Variants in FOXN2 observed in about 807,000 individuals in gnomAD.
The protein encoded by FOXN2 is forkhead box protein N2.
FOXN2 carries 19 observed loss-of-function variants against 41.2 expected under a neutral mutation model. The ratio of observed to expected loss-of-function variants is 0.46; its 90% CI spans 0.32 to 0.68. FOXN2 has a LOEUF of 0.68. FOXN2 is among the 30% of genes least tolerant of loss of function. The probability of loss-of-function intolerance (pLI) is 0.03; values close to 1 mark genes in which losing one functional copy is unlikely to be tolerated. For synonymous variants in FOXN2, 195 were observed against 176.8 expected (o/e 1.10, Z -0.82); for missense variants, 587 against 509.4 (o/e 1.15, Z -1.47).
chr2:48,319,920 C>T (rs1481528876), intron 1 of FOXN2, among the ~76,000 whole-genome samples: 1 of 151,096 alleles, frequency 6.6e-6, no homozygotes, highest in Non-Finnish European at 1.5e-5. Context: ...GCATGAGCCA[C>T]CTCACCTGGC....
rs1467318268 is a variant in FOXN2, at chr2:48,328,678, G to A, written c.-39G>A. The A allele has an allele frequency of 6.6e-6, 1 of 152,078 alleles. No homozygotes were observed. Among genetic ancestry groups the A allele is most frequent in the East Asian group, 1.9e-4 (1 of 5,198 alleles). 9.4% of individuals were successfully genotyped at this position (152,078 alleles called of 1,614,324 possible). Reference sequence around the variant, plus strand: ...GGTCACTGTATGACTTATAGTACAGGTGATATTACTTCTGATTCTAGATGG... The same window carrying A: ...GGTCACTGTATGACTTATAGTACAGATGATATTACTTCTGATTCTAGATGG... On this transcript the variant is annotated 5_prime_UTR_variant, in exon 2 of 7. The change creates a new upstream start codon in the 5' untranslated region. Coordinates refer to ENST00000340553, the MANE Select transcript of FOXN2 (RefSeq NM_002158.4).
intron 1 of FOXN2, among the ~76,000 whole-genome samples, chr2:48,327,816 G>C (rs79247094): frequency 1.3e-5 from 2 of 152,070 alleles, no homozygotes; most frequent in African/African-American, 4.8e-5. Flanking sequence ...GTCAGAGTAC[G>C]TATGAGGTTA....
At chr2:48,324,614 A>G (rs187880873) in intron 1 of FOXN2, among the ~76,000 whole-genome samples, 1 of 152,102 alleles carries the variant, frequency 6.6e-6, no homozygotes, top group Non-Finnish European at 1.5e-5. Flanking sequence ...CTTCTATTCA[A>G]ATTGGCAGCA....
chr2:48,352,624 A>C (rs1671519796), intron 3 of FOXN2, among the ~76,000 whole-genome samples: 1 of 152,178 alleles, frequency 6.6e-6, no homozygotes, highest in Admixed American at 6.5e-5. Context: ...GAGGTATCTC[A>C]AATTCAGTGT....
At chr2:48,344,840 A>AACCCC (rs1491540182) in intron 2 of FOXN2, among the ~76,000 whole-genome samples, 2 of 129,118 alleles carry the variant, frequency 1.5e-5, no homozygotes, top group African/African-American at 5.9e-5. Context: ...CTCTGGAGGT[A>AACCCC]CCCCCCCCCC....
At chr2:48,367,015 C>T (rs942396271) in intron 5 of FOXN2, among the ~76,000 whole-genome samples, 6 of 152,072 alleles carry the variant, frequency 3.9e-5, no homozygotes, top group Admixed American at 6.6e-5. Flanking sequence ...CCTTTAGACA[C>T]GGAAAACTAA....
At chr2:48,331,087 T>C (rs1669991460) in intron 2 of FOXN2, among the ~76,000 whole-genome samples, 1 of 152,214 alleles carries the variant, frequency 6.6e-6, no homozygotes, top group Admixed American at 6.5e-5. Flanking sequence ...GCACAATTGA[T>C]GTTCTTCATT....
intron 2 of FOXN2, among the ~76,000 whole-genome samples, chr2:48,339,481 G>T (rs533796679): frequency 6.6e-6 from 1 of 152,268 alleles, no homozygotes; most frequent in African/African-American, 2.4e-5. Flanking sequence ...TGCCATGATT[G>T]TAAGTTTCCT....
chr2:48,363,311 A>G (rs574364113), intron 5 of FOXN2, among the ~76,000 whole-genome samples: 82 of 152,182 alleles, frequency 5.4e-4, no homozygotes, highest in Non-Finnish European at 6.6e-4. Flanking sequence ...GGTTATAAAT[A>G]AAATATTTTT....
chr2:48,337,182 TA>T (rs1171397873), intron 2 of FOXN2, among the ~76,000 whole-genome samples: 1 of 152,206 alleles, frequency 6.6e-6, no homozygotes, highest in African/African-American at 2.4e-5. Context: ...ATTTGATTTT[TA>T]GATTCTATGA....
At chr2:48,339,902 A>G (rs1670627957) in intron 2 of FOXN2, among the ~76,000 whole-genome samples, 1 of 152,234 alleles carries the variant, frequency 6.6e-6, no homozygotes, top group Non-Finnish European at 1.5e-5. Context: ...ATAAGAAATT[A>G]TTGAATATTC....
At chr2:48,328,497 T>C (rs946617211) in intron 1 of FOXN2, 64 bp from the exon 2 acceptor site, 1 of 152,172 alleles carries the variant, frequency 6.6e-6, no homozygotes, top group Admixed American at 6.5e-5. Context: ...AGAAAAAAAG[T>C]CTATATCTGT....
intron 1 of FOXN2, among the ~76,000 whole-genome samples, chr2:48,317,371 C>T (rs915178729): frequency 1.3e-5 from 2 of 151,550 alleles, no homozygotes; most frequent in African/African-American, 2.4e-5. Context: ...ATCGCTTGAA[C>T]CTAGGAGGTG....
chr2:48,352,441 C>T (rs186167264), intron 3 of FOXN2, among the ~76,000 whole-genome samples: 1 of 152,148 alleles, frequency 6.6e-6, no homozygotes, highest in Non-Finnish European at 1.5e-5. Context: ...CCATCTTTTT[C>T]TTTTGCCACT....
chr2:48,335,642 G>C (rs1670288953), intron 2 of FOXN2, among the ~76,000 whole-genome samples: 3 of 151,712 alleles, frequency 2.0e-5, no homozygotes, highest in African/African-American at 7.3e-5. Context: ...GAAAATCTGA[G>C]ATTTAAGAAG....
chr2:48,364,009 C>G (rs946327826), intron 5 of FOXN2, among the ~76,000 whole-genome samples: 1 of 152,180 alleles, frequency 6.6e-6, no homozygotes, highest in African/African-American at 2.4e-5. Flanking sequence ...AAGTGATCTC[C>G]TACCTCAGCT....
At chr2:48,321,484 C>A (rs919556518) in intron 1 of FOXN2, among the ~76,000 whole-genome samples, 2 of 151,864 alleles carry the variant, frequency 1.3e-5, no homozygotes, top group Non-Finnish European at 2.9e-5. Context: ...TGCAGTGAGC[C>A]GAGATTGCCC....
At chr2:48,366,139 A>T (rs1031995034) in intron 5 of FOXN2, among the ~76,000 whole-genome samples, 5 of 152,032 alleles carry the variant, frequency 3.3e-5, no homozygotes, top group Non-Finnish European at 7.4e-5. Context: ...GGTGGATCAC[A>T]TGAGATCAAG....
chr2:48,323,200 A>G (rs1219865927), intron 1 of FOXN2, among the ~76,000 whole-genome samples: 2 of 151,982 alleles, frequency 1.3e-5, no homozygotes, highest in Admixed American at 6.6e-5. Flanking sequence ...TTGAGGGTAC[A>G]TGTGATATTT....
Sources: allele counts gnomAD v4.1 joint callset (sites outside exome capture counted in the v4.1 genomes callset), GRCh38; gene constraint gnomAD v4.1.1; transcripts MANE v1.5; gene names NCBI Gene and HGNC (gene_info 2026-07-23, HGNC 2026-07-21).